SCML2: variants seen among roughly 807,000 people sequenced by gnomAD.
SCML2 encodes the protein sex comb on midleg-like protein 2.
Under a neutral mutation model 48.4 loss-of-function variants are expected in SCML2, and 6 were observed. That is an observed-to-expected ratio of 0.12 (90% CI 0.07 to 0.24). SCML2 has a LOEUF of 0.24. Ranked by LOEUF, SCML2 falls within the 10% of genes least tolerant of loss-of-function variation. The probability of loss-of-function intolerance (pLI) is 1.00; values close to 1 mark genes in which losing one functional copy is unlikely to be tolerated. For synonymous variants in SCML2, 181 were observed against 189.5 expected (o/e 0.95, Z 0.37); for missense variants, 377 against 528.2 (o/e 0.71, Z 2.81).
rs761687886 is a variant in SCML2 at position 18,265,776 on chromosome X, T to C, written c.757A>G (p.Thr253Ala). ...SVPIVKNIAK[T>A]ESSPSEASQH... ...CTTGCTTCGGAAGGAGAAGACTCTG[T>C]TTTTGCTATATTCTTTACAATAGGA... Residue 253 changes from threonine (T) to alanine (A), a missense_variant, in exon 8 of 15, where the codon ACA becomes GCA. Thr to Ala is a moderately conservative substitution (Grantham distance 58). Transcript: ENST00000251900. 1 of 1,207,310 alleles carries C rather than the reference T, an allele frequency of 8.3e-7. No homozygotes were observed. The highest frequency in any genetic ancestry group is 1.1e-6 in the Non-Finnish European group (1 of 892,126).
In SCML2 at chrX:18,336,781, G is replaced by A. The variant is rs1018688200; in HGVS notation, c.-24-2686C>T. On this transcript the variant is annotated intron_variant, in intron 1 of 14. Transcript: ENST00000251900. ...AATAAAATAAGAAAAGAATGGTCCTGTTACTTAAAAGCAGACTTAGATTCG... is the reference window on the plus strand; with the variant it reads ...AATAAAATAAGAAAAGAATGGTCCTATTACTTAAAAGCAGACTTAGATTCG... 6.4e-5 allele frequency among the ~76,000 whole-genome samples: 7 copies of A among 109,053 alleles called. No individual in the cohort carries two copies. The Admixed American group carries it at 6.8e-4, about 11-fold the overall frequency. 94.7% of individuals were successfully genotyped at this position (109,053 alleles called of 115,157 possible).
intron 1 of SCML2, among the ~76,000 whole-genome samples, chrX:18,343,632 C>T (rs772920746): frequency 4.6e-5 from 5 of 108,285 alleles, no homozygotes; most frequent in Admixed American, 1.0e-4. Context: ...TGGTGGCGGG[C>T]GCCTGTAATC....
intron 1 of SCML2, among the ~76,000 whole-genome samples, chrX:18,340,830 A>T (rs1001267998): frequency 1.8e-5 from 2 of 109,562 alleles, no homozygotes; most frequent in Admixed American, 2.0e-4. Flanking sequence ...AAAAAAATTA[A>T]ATAAATAAAT....
At chrX:18,257,998 G>T in intron 10 of SCML2, 46 bp downstream of exon 10, 1 of 819,928 alleles carries the variant, frequency 1.2e-6, no homozygotes, top group Non-Finnish European at 1.7e-6. Flanking sequence ...AAGGGGGAAG[G>T]GAAGGGGGAA....
chrX:18,276,099 G>C (rs1441177599), intron 7 of SCML2, among the ~76,000 whole-genome samples: 3 of 111,650 alleles, frequency 2.7e-5, no homozygotes, highest in Non-Finnish European at 5.6e-5. Flanking sequence ...AGGAGTTCGA[G>C]ATCAGCCTGG....
At position 18,310,584 on chromosome X, in the gene SCML2, A is replaced by AT. The variant is rs762741761; in HGVS notation, c.487-5370dup. On this transcript the variant is annotated intron_variant, in intron 6 of 14. Transcript: ENST00000251900. ...CCCAGCCTTTATATTTATTTTATTT[A>AT]TTTTTTTTCATTTCTATTTTATTTT... is the stretch of plus-strand genomic sequence containing the variant. 5.4e-3 allele frequency among the ~76,000 whole-genome samples: 581 copies of AT among 107,703 alleles called. 4 individuals are homozygous for AT. The highest frequency in any genetic ancestry group is 0.018 in the African/African-American group (531 of 29,567). The allele number at this position is 107,703 out of a possible 115,157, so 93.5% of individuals were successfully genotyped here.
intron 3 of SCML2, among the ~76,000 whole-genome samples, chrX:18,327,091 C>T (rs1304305525): frequency 1.8e-5 from 2 of 110,528 alleles, no homozygotes; most frequent in Non-Finnish European, 3.8e-5. Context: ...ACAAAACGGG[C>T]GAGGCGCAGT....
At chrX:18,278,823 G>A (rs763358487) in intron 7 of SCML2, among the ~76,000 whole-genome samples, 1 of 112,955 alleles carries the variant, frequency 8.9e-6, no homozygotes, top group Non-Finnish European at 1.9e-5. Context: ...GTTCCTCCAC[G>A]GCTGCAGCCT....
chrX:18,268,375 C>CA (rs911743779), intron 7 of SCML2, among the ~76,000 whole-genome samples: 1 of 110,640 alleles, frequency 9.0e-6, no homozygotes, highest in Non-Finnish European at 1.9e-5. Context: ...ACTAAATAGA[C>CA]AAAATTAGCC....
chrX:18,353,432 T>G (rs1169945576), intron 1 of SCML2, among the ~76,000 whole-genome samples: 4 of 111,972 alleles, frequency 3.6e-5, no homozygotes, highest in African/African-American at 9.7e-5. Context: ...GAAGCTGTTT[T>G]AGGGAAAAAA....
At chrX:18,310,260 CTTTT>C (rs773391164) in intron 6 of SCML2, among the ~76,000 whole-genome samples, 2 of 62,368 alleles carry the variant, frequency 3.2e-5, no homozygotes, top group Non-Finnish European at 5.6e-5. Flanking sequence ...AACCACCTCC[CTTTT>C]TTTTTTTTTT....
At chrX:18,295,413 C>A (rs931304275) in intron 7 of SCML2, among the ~76,000 whole-genome samples, 2 of 112,202 alleles carry the variant, frequency 1.8e-5, no homozygotes, top group Non-Finnish European at 3.8e-5. Context: ...AGCCAGCCTG[C>A]CGCTGTCATC....
intron 7 of SCML2, among the ~76,000 whole-genome samples, chrX:18,290,183 T>C (rs1263301222): frequency 8.9e-6 from 1 of 111,871 alleles, no homozygotes; most frequent in Non-Finnish European, 1.9e-5. Flanking sequence ...TTAAGTAAGT[T>C]GTGAAGGAAA....
At chrX:18,352,618 C>T (rs919467398) in intron 1 of SCML2, among the ~76,000 whole-genome samples, 3 of 111,570 alleles carry the variant, frequency 2.7e-5, no homozygotes, top group East Asian at 5.6e-4. Context: ...CCTTAAACAC[C>T]CTGAAATTAG....
intron 12 of SCML2, among the ~76,000 whole-genome samples, chrX:18,247,477 T>C (rs1307977238): frequency 8.9e-6 from 1 of 112,224 alleles, no homozygotes; most frequent in East Asian, 2.8e-4. Context: ...GCAGTTACAT[T>C]CTCTGGAGAA....
At chrX:18,247,556 T>C (rs752103210) in intron 12 of SCML2, among the ~76,000 whole-genome samples, 5 of 111,836 alleles carry the variant, frequency 4.5e-5, no homozygotes, top group South Asian at 7.6e-4. Context: ...AAAAAGGTTA[T>C]TACAATTTTT....
intron 11 of SCML2, among the ~76,000 whole-genome samples, chrX:18,253,389 A>G (rs1926733792): frequency 1.8e-5 from 2 of 111,934 alleles, no homozygotes; most frequent in African/African-American, 6.5e-5. Context: ...GTAAACATGC[A>G]AAGAAGTAAG....
At chrX:18,309,570 C>T (rs928732564) in intron 6 of SCML2, among the ~76,000 whole-genome samples, 1 of 111,862 alleles carries the variant, frequency 8.9e-6, no homozygotes, top group Non-Finnish European at 1.9e-5. Context: ...AAATTTGGTA[C>T]ATATATACCA....
intron 13 of SCML2, among the ~76,000 whole-genome samples, chrX:18,243,235 G>T (rs1222332347): frequency 9.0e-6 from 1 of 110,881 alleles, no homozygotes; most frequent in African/African-American, 3.3e-5. Flanking sequence ...ACCACTTGCA[G>T]CTAATCTTTA....
Sources: gnomAD v4.1 joint callset for allele counts (sites outside exome capture counted in the v4.1 genomes callset) on GRCh38, gnomAD v4.1.1 for gene constraint, MANE v1.5 for transcripts, NCBI Gene and HGNC (gene_info 2026-07-23, HGNC 2026-07-21) for gene names.